Variants in DLGAP5 observed in about 807,000 individuals in gnomAD.
DLGAP5 encodes disks large-associated protein 5.
A neutral mutation model predicts 99.6 loss-of-function variants in DLGAP5; 90 were observed. The observed-to-expected ratio is 0.90, with a 90% CI of 0.76 to 1.08. The LOEUF (loss-of-function observed/expected upper bound fraction) is 1.08, where lower values mean the gene tolerates loss of function less well. Ranked by LOEUF, DLGAP5 falls within the 50% of genes least tolerant of loss-of-function variation. The pLI is 0.00. For missense variants in DLGAP5, 1,036 were observed against 983.5 expected (o/e 1.05, Z -0.71); for synonymous variants, 311 against 321.3 (o/e 0.97, Z 0.34).
At chr14:55,179,333 C>G (rs1255804056) in intron 7 of DLGAP5, among the ~76,000 whole-genome samples, 1 of 152,186 alleles carries the variant, frequency 6.6e-6, no homozygotes, top group Non-Finnish European at 1.5e-5. Context: ...GCATTTCACC[C>G]CACTTCACCC....
intron 16 of DLGAP5, 85 bp from the exon 17 acceptor site, chr14:55,152,026 G>A: frequency 7.6e-7 from 1 of 1,323,266 alleles, no homozygotes. Flanking sequence ...TTAAATACAA[G>A]AAAAACAGAA....
At chr14:55,156,449 C>T (rs551330051) in intron 14 of DLGAP5, among the ~76,000 whole-genome samples, 3 of 152,304 alleles carry the variant, frequency 2.0e-5, no homozygotes, top group African/African-American at 7.2e-5. Flanking sequence ...GAAAGACTGG[C>T]AGCCAGAATG....
intron 12 of DLGAP5, 35 bp from the exon 13 acceptor site, chr14:55,163,110 T>A (rs1283668288): frequency 7.4e-7 from 1 of 1,342,462 alleles, no homozygotes; most frequent in East Asian, 2.4e-5. Context: ...AGATTAATGC[T>A]AGCCATATTA....
rs150171752 is a variant in DLGAP5, at chr14:55,184,267, G to A, written c.239-514C>T. Among the ~76,000 whole-genome samples, 14 of 152,306 alleles carry A rather than the reference G, an allele frequency of 9.2e-5. No individual in the cohort carries two copies. The East Asian group carries it at 2.7e-3, about 29-fold the overall frequency. On this transcript the variant is annotated intron_variant, in intron 2 of 18. Transcript: ENST00000247191. The stretch of plus-strand genomic sequence containing the variant: ...GAGCCCAGGAGTTCAAGTTCAGCTT[G>A]AGTAACAAAGCAAGACCTCTCCGCA...
At chr14:55,153,991 G>A (rs943104747) in intron 15 of DLGAP5, among the ~76,000 whole-genome samples, 1 of 152,172 alleles carries the variant, frequency 6.6e-6, no homozygotes, top group Non-Finnish European at 1.5e-5. Flanking sequence ...AGGAGGCAGA[G>A]GTTGCAGTAA....
intron 12 of DLGAP5, 23 bp from the exon 13 acceptor site, chr14:55,163,098 C>A: frequency 1.4e-6 from 2 of 1,443,176 alleles, no homozygotes; most frequent in South Asian, 1.3e-5. Flanking sequence ...CACAAGTTTA[C>A]CAGATTAATG....
intron 12 of DLGAP5, among the ~76,000 whole-genome samples, chr14:55,168,112 T>C (rs950039572): frequency 6.6e-6 from 1 of 152,180 alleles, no homozygotes; most frequent in African/African-American, 2.4e-5. Flanking sequence ...TGTGCAACCA[T>C]GCCTGGCTAA....
intron 14 of DLGAP5, among the ~76,000 whole-genome samples, chr14:55,155,181 C>A (rs1001653059): frequency 6.6e-6 from 1 of 151,826 alleles, no homozygotes; most frequent in Non-Finnish European, 1.5e-5. Flanking sequence ...CATGCCACCA[C>A]GCCTGGCTAA....
chr14:55,190,548 AAAAC>A (rs1387413303), intron 1 of DLGAP5, among the ~76,000 whole-genome samples: 4 of 152,206 alleles, frequency 2.6e-5, no homozygotes, highest in African/African-American at 9.6e-5. Context: ...TTAAAAAACA[AAAAC>A]AAAAAAAGGT....
chr14:55,175,640 T>C (rs1409428515), intron 9 of DLGAP5, among the ~76,000 whole-genome samples, 168 bp from the exon 10 acceptor site: 1 of 152,192 alleles, frequency 6.6e-6, no homozygotes, highest in Non-Finnish European at 1.5e-5. Context: ...ATTTTTTCTT[T>C]AAATTTACAT....
At chr14:55,148,769 C>T (rs1881912859) in intron 18 of DLGAP5, 21 of 422,352 alleles carry the variant, frequency 5.0e-5, no homozygotes, top group South Asian at 4.5e-4. Flanking sequence ...TGCTACTTTC[C>T]AGTAGATCTT....
At position 55,190,583 on chromosome 14, in the gene DLGAP5, G is replaced by C. The variant is rs550560597; in HGVS notation, c.-2+880C>G. On this transcript the variant is annotated intron_variant, in intron 1 of 18. Transcript: ENST00000247191. ...AAGGTAAGGGGGAGGCTCTGTGATA[G>C]ACACACTATGGTATATTCTTCAACA... 3.3e-5 allele frequency among the ~76,000 whole-genome samples: 5 copies of C among 152,312 alleles called. 1 individual carries two copies. In the South Asian group the frequency reaches 8.3e-4, roughly 25 times the overall value.
intron 12 of DLGAP5, among the ~76,000 whole-genome samples, chr14:55,164,489 A>G (rs1032507534): frequency 1.3e-5 from 2 of 152,180 alleles, no homozygotes; most frequent in African/African-American, 4.8e-5. Context: ...ACCATACACA[A>G]AAACTAACCA....
At chr14:55,164,886 C>T (rs909744089) in intron 12 of DLGAP5, among the ~76,000 whole-genome samples, 1 of 147,126 alleles carries the variant, frequency 6.8e-6, no homozygotes, top group Admixed American at 6.8e-5. Flanking sequence ...CATGCCACTG[C>T]ACTCTAGCCT....
chr14:55,169,547 A>AT lies in DLGAP5; in HGVS notation c.1399dup (p.Ile467AsnfsTer17), dbSNP rs1170905100. 2 of 1,586,946 alleles carry AT rather than the reference A, an allele frequency of 1.3e-6. No individual in the cohort carries two copies. The highest frequency in any genetic ancestry group is 3.9e-5 in the Admixed American group (2 of 50,802). On this transcript the variant is annotated frameshift_variant, in exon 12 of 19. Transcript: ENST00000247191. LOFTEE classifies it high-confidence loss of function. Reference sequence around the variant, plus strand: ...TCTTGTTTGACCAACTGCTGTGCGAATAAGATCTTTAGCTGAAGGAAATAA... The same window carrying AT: ...TCTTGTTTGACCAACTGCTGTGCGAATTAAGATCTTTAGCTGAAGGAAATAA...
chr14:55,186,639 A>C (rs900514879), intron 2 of DLGAP5, among the ~76,000 whole-genome samples: 5 of 151,090 alleles, frequency 3.3e-5, no homozygotes, highest in African/African-American at 1.2e-4. Flanking sequence ...CAGACTACAA[A>C]TTATATCTAA....
intron 9 of DLGAP5, 72 bp from the exon 10 acceptor site, chr14:55,175,544 C>T: frequency 1.1e-6 from 1 of 949,306 alleles, no homozygotes; most frequent in Non-Finnish European, 1.6e-6. Context: ...CCTAAAAAGA[C>T]ATTTTAAAAA....
chr14:55,154,558 C>T (rs997643124), intron 15 of DLGAP5, 59 bp downstream of exon 15: 185 of 1,392,466 alleles, frequency 1.3e-4, no homozygotes, highest in South Asian at 1.0e-3. Context: ...TCTTAACAAT[C>T]TGAAATGGTA....
At chr14:55,174,835 C>T (rs1479993265) in intron 10 of DLGAP5, among the ~76,000 whole-genome samples, 5 of 152,054 alleles carry the variant, frequency 3.3e-5, no homozygotes, top group South Asian at 2.1e-4. Context: ...GGACTACAGG[C>T]GTGCACCACC....
Sources: allele counts gnomAD v4.1 joint callset (sites outside exome capture counted in the v4.1 genomes callset), GRCh38; gene constraint gnomAD v4.1.1; transcripts MANE v1.5; gene names NCBI Gene and HGNC (gene_info 2026-07-23, HGNC 2026-07-21).